ZNF385B: variants seen among roughly 807,000 people sequenced by gnomAD.
The protein encoded by ZNF385B is zinc finger protein 533.
Under a neutral mutation model 39.2 loss-of-function variants are expected in ZNF385B, and 23 were observed. The ratio of observed to expected loss-of-function variants is 0.59; its 90% CI spans 0.42 to 0.83. The LOEUF is 0.83. ZNF385B is among the 40% of genes least tolerant of loss of function. The pLI is 0.00. For missense variants in ZNF385B, 552 were observed against 598.9 expected, an observed-to-expected ratio of 0.92 and a Z score of 0.82; for synonymous variants, 205 against 222.6, an observed-to-expected ratio of 0.92 and a Z score of 0.70.
intron 3 of ZNF385B, among the ~76,000 whole-genome samples, chr2:179,723,186 T>G (rs1446378871): frequency 6.6e-6 from 1 of 152,138 alleles, no homozygotes; most frequent in African/African-American, 2.4e-5. Flanking sequence ...ATTGACTATT[T>G]ACAATGCATC....
chr2:179,626,249 G>C (rs1192510727), intron 3 of ZNF385B, among the ~76,000 whole-genome samples: 3 of 152,010 alleles, frequency 2.0e-5, no homozygotes, highest in African/African-American at 4.8e-5. Flanking sequence ...CTGAATTTAT[G>C]ATAAATAGTA....
intron 3 of ZNF385B, among the ~76,000 whole-genome samples, chr2:179,675,554 T>C (rs2106313480): frequency 6.6e-6 from 1 of 152,302 alleles, no homozygotes; most frequent in Non-Finnish European, 1.5e-5. Context: ...AAGAATACAC[T>C]GGCAGCTTGA....
intron 5 of ZNF385B, among the ~76,000 whole-genome samples, chr2:179,493,782 C>CATATATGTAT (rs1559338426): frequency 0.039 from 3,466 of 88,788 alleles, 231 homozygotes; most frequent in Non-Finnish European, 0.064. Flanking sequence ...TATGTATATA[C>CATATATGTAT]ACATATGTAT....
intron 3 of ZNF385B, among the ~76,000 whole-genome samples, chr2:179,696,751 A>G (rs777765874): frequency 3.5e-4 from 53 of 152,280 alleles, no homozygotes; most frequent in Non-Finnish European, 6.5e-4. Flanking sequence ...CTATTTTCAT[A>G]TCAACATACG....
intron 5 of ZNF385B, among the ~76,000 whole-genome samples, chr2:179,497,630 A>G (rs1574459195): frequency 6.6e-6 from 1 of 152,064 alleles, no homozygotes. Flanking sequence ...AGAGGAACAC[A>G]AAAAGGAAAG....
chr2:179,444,033 T>C (rs904617775), intron 9 of ZNF385B, among the ~76,000 whole-genome samples: 7 of 152,212 alleles, frequency 4.6e-5, no homozygotes, highest in Non-Finnish European at 7.4e-5. Context: ...TTGAGAATGA[T>C]TGTAAGTGGG....
At chr2:179,597,618 G>A (rs779350230) in intron 3 of ZNF385B, among the ~76,000 whole-genome samples, 63 of 151,960 alleles carry the variant, frequency 4.1e-4, no homozygotes, top group Admixed American at 2.4e-3. Context: ...CACGACATAC[G>A]CACAGATATC....
intron 6 of ZNF385B, among the ~76,000 whole-genome samples, chr2:179,476,965 G>C (rs899931269): frequency 6.6e-6 from 1 of 152,122 alleles, no homozygotes; most frequent in African/African-American, 2.4e-5. Context: ...AAATTTATGA[G>C]GGTGCTTTTC....
intron 3 of ZNF385B, among the ~76,000 whole-genome samples, chr2:179,554,340 G>A (rs1477050978): frequency 1.3e-5 from 2 of 149,498 alleles, no homozygotes; most frequent in African/African-American, 2.5e-5. Context: ...TGTTTCGACA[G>A]ATGAGATATC....
chr2:179,686,964 G>GTT (rs5836693), intron 3 of ZNF385B, among the ~76,000 whole-genome samples: 9,122 of 141,758 alleles, frequency 0.064, 415 homozygotes, highest in African/African-American at 0.11. Flanking sequence ...AATTTGTACT[G>GTT]TTTTTTTTTT....
At chr2:179,508,977 C>T (rs988145253) in intron 5 of ZNF385B, among the ~76,000 whole-genome samples, 24 of 146,370 alleles carry the variant, frequency 1.6e-4, no homozygotes, top group African/African-American at 5.9e-4. Flanking sequence ...GACAGAGTCT[C>T]GCTCTGTCGC....
rs570692863 is a variant in ZNF385B at position 179,755,340 on chromosome 2, C to T, written c.298+14163G>A. 2.6e-4 allele frequency among the ~76,000 whole-genome samples: 39 copies of T among 152,286 alleles called. 1 individual carries two copies. The highest frequency in any genetic ancestry group is 6.8e-3 in the Middle Eastern group (2 of 294). ...GTTCTTTTACATTTGCTGAGGAGTG[C>T]TTTACTTCCAACTATGTGGTCAATT... is the stretch of plus-strand genomic sequence containing the variant. On this transcript the variant is annotated intron_variant, in intron 3 of 9. Transcript: ENST00000410066.
At chr2:179,656,742 C>T (rs1693809674) in intron 3 of ZNF385B, among the ~76,000 whole-genome samples, 1 of 152,076 alleles carries the variant, frequency 6.6e-6, no homozygotes, top group South Asian at 2.1e-4. Flanking sequence ...AATTTTAATA[C>T]TATAGATATA....
intron 3 of ZNF385B, among the ~76,000 whole-genome samples, chr2:179,666,968 T>C (rs1262062439): frequency 6.6e-6 from 1 of 152,218 alleles, no homozygotes; most frequent in South Asian, 2.1e-4. Context: ...ATCACATTTA[T>C]CCATATTAAG....
chr2:179,751,079 G>C (rs924803627), intron 3 of ZNF385B, among the ~76,000 whole-genome samples: 4 of 151,904 alleles, frequency 2.6e-5, no homozygotes, highest in African/African-American at 9.7e-5. Flanking sequence ...ATTTTTTCCA[G>C]ACATGGACAA....
chr2:179,591,722 T>TC (rs869098433), intron 3 of ZNF385B, among the ~76,000 whole-genome samples: 4 of 151,998 alleles, frequency 2.6e-5, no homozygotes, highest in African/African-American at 9.7e-5. Flanking sequence ...CTCTCTTTTT[T>TC]CCCCCCATAA....
chr2:179,730,319 G>T (rs540517558), intron 3 of ZNF385B, among the ~76,000 whole-genome samples: 1 of 152,052 alleles, frequency 6.6e-6, no homozygotes, highest in Non-Finnish European at 1.5e-5. Flanking sequence ...TCATTCTTCT[G>T]GTCTTCAAGA....
chr2:179,638,855 G>A (rs1691997950), intron 3 of ZNF385B, among the ~76,000 whole-genome samples: 1 of 152,136 alleles, frequency 6.6e-6, no homozygotes, highest in East Asian at 1.9e-4. Flanking sequence ...AAGGGCTCCT[G>A]CTGATGATCA....
chr2:179,742,350 G>C (rs1702134764), intron 3 of ZNF385B, among the ~76,000 whole-genome samples: 1 of 152,024 alleles, frequency 6.6e-6, no homozygotes, highest in Admixed American at 6.6e-5. Flanking sequence ...GCCATTACTG[G>C]AGACTCACTT....
Sources: allele counts gnomAD v4.1 joint callset (sites outside exome capture counted in the v4.1 genomes callset), GRCh38; gene constraint gnomAD v4.1.1; transcripts MANE v1.5; gene names NCBI Gene and HGNC (gene_info 2026-07-23, HGNC 2026-07-21).